The following PEX3 variants were observed in gnomAD, a reference collection of about 807,000 sequenced individuals.
PEX3 encodes peroxin-3.
PEX3 carries 30 observed loss-of-function variants against 55.8 expected under a neutral mutation model. The observed-to-expected ratio is 0.54, with a 90% confidence interval of 0.40 to 0.73. The LOEUF is 0.73. Among genes scored for constraint, PEX3 ranks in the 30% least tolerant of loss-of-function variants. The pLI, the probability that PEX3 is intolerant of heterozygous loss-of-function variation, is 0.00. For synonymous variants in PEX3, 135 were observed against 148.4 expected (o/e 0.91, Z 0.66); for missense variants, 351 against 432.8 (o/e 0.81, Z 1.68).
Position 143,471,146 on chromosome 6 carries a change from T to G in PEX3, c.456+61T>G, listed in dbSNP as rs1233954918. The G allele has an allele frequency of 1.4e-6, 2 of 1,400,638 alleles. No individual in the cohort carries two copies. Among genetic ancestry groups the G allele is most frequent in the Middle Eastern group, 3.8e-4 (2 of 5,302 alleles). 86.8% of individuals were successfully genotyped at this position (1,400,638 alleles called of 1,614,324 possible). A position where few individuals can be genotyped will look rare whatever the true frequency, so the allele number is the denominator to read the frequency against. ...CCCTCAGGAGGTTCAAAGTTTAACT[T>G]ATTTATCCTGATAACAATTTCTATG... On this transcript the variant is annotated intron_variant, in intron 5 of 11. Coordinates refer to ENST00000367591, the MANE Select transcript of PEX3 (RefSeq NM_003630.3). The surrounding 1 kb of genome is among the most constrained non-coding windows in gnomAD (Gnocchi z 5.4).
In PEX3 at chr6:143,453,719, G is replaced by T. The variant is rs1285739539; in HGVS notation, c.73+2604G>T. Among the ~76,000 whole-genome samples the T allele has an allele frequency of 6.6e-6, 1 of 152,158 alleles. No individual in the cohort carries two copies. The highest frequency in any genetic ancestry group is 2.4e-5 in the African/African-American group (1 of 41,430). On this transcript the variant is annotated intron_variant, in intron 1 of 11. Transcript: ENST00000367591. This position sits in a 1 kb window ranked among gnomAD's most constrained non-coding sequence, Gnocchi z 4.6. ...AGCCTCCCAAGTAGCTAGGACCACAGGTGTGCACCATCATGCTTGGCTAAT... is the reference window on the plus strand; with the variant it reads ...AGCCTCCCAAGTAGCTAGGACCACATGTGTGCACCATCATGCTTGGCTAAT...
At position 143,466,348 on chromosome 6, in the gene PEX3, A is replaced by T. The variant is rs896382473; in HGVS notation, c.288-1774A>T. Among the ~76,000 whole-genome samples the T allele has an allele frequency of 6.6e-6, 1 of 151,968 alleles. No individual in the cohort carries two copies. The highest frequency in any genetic ancestry group is 1.5e-5 in the Non-Finnish European group (1 of 67,922). On this transcript the variant is annotated intron_variant, in intron 3 of 11. Transcript: ENST00000367591. This position sits in a 1 kb window ranked among gnomAD's most constrained non-coding sequence, Gnocchi z 5.4. The stretch of plus-strand genomic sequence containing the variant: ...CGGATCCATGCTGTAGATGCTATCT[A>T]CCTGTTAGTCACTTAGTAGCCATCT...
At chr6:143,452,078 C>G (rs764619909) in intron 1 of PEX3, among the ~76,000 whole-genome samples, 3 of 152,102 alleles carry the variant, frequency 2.0e-5, no homozygotes, top group Non-Finnish European at 2.9e-5. Context: ...TCTGTTCTCC[C>G]CAAACAATTT....
In PEX3 at chr6:143,463,001, A is replaced by G. The variant is rs745601426; in HGVS notation, c.287+4A>G. On this transcript the variant is annotated splice_donor_region_variant and intron_variant, in intron 3 of 11. Transcript: ENST00000367591. This position sits in a 1 kb window ranked among gnomAD's most constrained non-coding sequence, Gnocchi z 5.7. ...TCACAGCTCTGCTAAAAAACAGGTA[A>G]ATGCAAGTTACAGCATTTTCTGTTT... 6.2e-7 allele frequency: 1 copy of G among 1,605,076 alleles called. No individual in the cohort carries two copies. The highest frequency in any genetic ancestry group is 2.2e-5 in the East Asian group (1 of 44,828).
chr6:143,468,751 T>G (rs913250845), intron 4 of PEX3, among the ~76,000 whole-genome samples: 1 of 150,790 alleles, frequency 6.6e-6, no homozygotes, highest in African/African-American at 2.4e-5. Context: ...CATGTTGGTG[T>G]GCTGCACCCA....
intron 10 of PEX3, among the ~76,000 whole-genome samples, chr6:143,481,162 AT>A (rs1562657605): frequency 4.4e-4 from 64 of 144,730 alleles, no homozygotes; most frequent in African/African-American, 1.5e-3. Flanking sequence ...ATATATATAT[AT>A]ATATATAAAA....
intron 9 of PEX3, among the ~76,000 whole-genome samples, chr6:143,477,313 C>T (rs1045825034): frequency 1.1e-4 from 17 of 152,076 alleles, no homozygotes; most frequent in South Asian, 2.1e-4. Flanking sequence ...CTCCATGAGA[C>T]GAGTAATTTT....
rs1169064896 is a variant in PEX3, at chr6:143,463,840, G to A, written c.287+843G>A. 2.6e-5 allele frequency among the ~76,000 whole-genome samples: 4 copies of A among 152,030 alleles called. No homozygotes were observed. Among genetic ancestry groups the A allele is most frequent in the Non-Finnish European group, 4.4e-5 (3 of 67,986 alleles). On this transcript the variant is annotated intron_variant, in intron 3 of 11. Coordinates refer to ENST00000367591, the MANE Select transcript of PEX3 (RefSeq NM_003630.3). The surrounding 1 kb of genome is among the most constrained non-coding windows in gnomAD (Gnocchi z 5.7). The stretch of plus-strand genomic sequence containing the variant: ...AATTTACACAATATCCCTGTGAGGC[G>A]GTTACTATTATTCATTTTGCAGTAG...
rs1005695237 is a variant in PEX3, at chr6:143,459,004, A to G, written c.74-81A>G. On this transcript the variant is annotated intron_variant, in intron 1 of 11. Coordinates refer to ENST00000367591, the MANE Select transcript of PEX3 (RefSeq NM_003630.3). The surrounding 1 kb of genome is among the most constrained non-coding windows in gnomAD (Gnocchi z 4.2). Reference sequence around the variant, plus strand: ...TTAGCTATCCACTAATATAAAACTTATAATTGCATAAAGTAGGTTAAAAAT... The same window carrying G: ...TTAGCTATCCACTAATATAAAACTTGTAATTGCATAAAGTAGGTTAAAAAT... 2.2e-6 allele frequency: 2 copies of G among 928,418 alleles called. No homozygotes were observed. Among genetic ancestry groups the G allele is most frequent in the Admixed American group, 4.1e-5 (2 of 48,972 alleles). 57.5% of individuals were successfully genotyped at this position (928,418 alleles called of 1,614,324 possible). A position where few individuals can be genotyped will look rare whatever the true frequency, so the allele number is the denominator to read the frequency against.
Position 143,462,287 on chromosome 6 carries a change from T to C in PEX3, c.206-629T>C, listed in dbSNP as rs1779930215. Among the ~76,000 whole-genome samples, 1 of 152,060 alleles carries C rather than the reference T, an allele frequency of 6.6e-6. No individual in the cohort carries two copies. The highest frequency in any genetic ancestry group is 1.5e-5 in the Non-Finnish European group (1 of 68,014). On this transcript the variant is annotated intron_variant, in intron 2 of 11. Transcript: ENST00000367591. This position sits in a 1 kb window ranked among gnomAD's most constrained non-coding sequence, Gnocchi z 4.1. ...AGTTTCTAACCCAGTGCACTTTTAT[T>C]TATGTTATAATAAATGTTTATTGCT...
In PEX3 at chr6:143,458,011, A is replaced by C. The variant is rs3804540; in HGVS notation, c.74-1074A>C. Among the ~76,000 whole-genome samples, 489 of 152,332 alleles carry C rather than the reference A, an allele frequency of 3.2e-3. 11 individuals carry two copies. The East Asian group carries it at 0.049, about 15-fold the overall frequency. ...TGAATATTACTAAAATGTTTTAGCT[A>C]GTCCAGTATCTTGAAAACCATTAAT... On this transcript the variant is annotated intron_variant, in intron 1 of 11. Transcript: ENST00000367591. This position sits in a 1 kb window ranked among gnomAD's most constrained non-coding sequence, Gnocchi z 6.1.
At position 143,451,171 on chromosome 6, in the gene PEX3, C is replaced by T; in HGVS notation, c.73+56C>T. 3 of 1,232,050 alleles carry T rather than the reference C, an allele frequency of 2.4e-6. No homozygotes were observed. The highest frequency in any genetic ancestry group is 2.4e-5 in the South Asian group (2 of 83,666). The allele number at this position is 1,232,050 out of a possible 1,614,324, so 76.3% of individuals were successfully genotyped here. A position where few individuals can be genotyped will look rare whatever the true frequency, so the allele number is the denominator to read the frequency against. ...TGGGAGAAGGGGGTGGGAGAGGTGA[C>T]TTCTTCTAAAATAAGGACAGGCCGG... is the stretch of plus-strand genomic sequence containing the variant. On this transcript the variant is annotated intron_variant, in intron 1 of 11. Transcript: ENST00000367591. This position sits in a 1 kb window ranked among gnomAD's most constrained non-coding sequence, Gnocchi z 4.1.
In PEX3 at chr6:143,489,516, T is replaced by C; in HGVS notation, c.*290T>C. ...GTTCCAAACTGACTAAAAATCAATA[T>C]AGATATTTTATATACATATATATAT... On this transcript the variant is annotated 3_prime_UTR_variant, in exon 12 of 12. Transcript: ENST00000367591. This position sits in a 1 kb window ranked among gnomAD's most constrained non-coding sequence, Gnocchi z 5.5. 1 of 198,496 alleles carries C rather than the reference T, an allele frequency of 5.0e-6. No homozygotes were observed. Among genetic ancestry groups the C allele is most frequent in the Non-Finnish European group, 1.0e-5 (1 of 97,990 alleles). 12.3% of individuals were successfully genotyped at this position (198,496 alleles called of 1,614,324 possible).
At chr6:143,468,050 T>C (rs1780014931) in intron 3 of PEX3, 72 bp from the exon 4 acceptor site, 1 of 816,864 alleles carries the variant, frequency 1.2e-6, no homozygotes, top group Non-Finnish European at 2.0e-6. Flanking sequence ...TAAAAATAGA[T>C]CTATAAAATT....
At chr6:143,467,266 TAAA>T (rs1314959735) in intron 3 of PEX3, among the ~76,000 whole-genome samples, 2 of 152,068 alleles carry the variant, frequency 1.3e-5, no homozygotes, top group Admixed American at 6.6e-5. Context: ...GAGATTAAGT[TAAA>T]AACCTTTTGA....
intron 1 of PEX3, among the ~76,000 whole-genome samples, chr6:143,452,406 A>C (rs372617947): frequency 6.6e-5 from 10 of 152,336 alleles, no homozygotes; most frequent in African/African-American, 2.4e-4. Flanking sequence ...AGCTAAAAAT[A>C]TATGTGTGAT....
intron 4 of PEX3, 74 bp from the exon 5 acceptor site, chr6:143,470,887 A>G: frequency 1.6e-6 from 2 of 1,290,184 alleles, no homozygotes; most frequent in South Asian, 1.3e-5. Context: ...ACAAAAAAAT[A>G]ACCTTAGGAT....
rs1227833456 is a variant in PEX3, at chr6:143,476,017, A to G, written c.818+1161A>G. ...ATAATCAACTAATAAATTTGATGTAATGTCAAGTATGTATAACTTTGTTGA... is the reference window on the plus strand; with the variant it reads ...ATAATCAACTAATAAATTTGATGTAGTGTCAAGTATGTATAACTTTGTTGA... On this transcript the variant is annotated intron_variant, in intron 9 of 11. Coordinates refer to ENST00000367591, the MANE Select transcript of PEX3 (RefSeq NM_003630.3). This position sits in a 1 kb window ranked among gnomAD's most constrained non-coding sequence, Gnocchi z 5.4. 6.6e-6 allele frequency among the ~76,000 whole-genome samples: 1 copy of G among 152,242 alleles called. No homozygotes were observed. The highest frequency in any genetic ancestry group is 1.9e-4 in the East Asian group (1 of 5,198).
chr6:143,489,128 TATC>T lies in PEX3; in HGVS notation c.1039-11_1039-9del, dbSNP rs2128748357. The T allele has an allele frequency of 4.5e-6, 7 of 1,558,674 alleles. No homozygotes were observed. The South Asian group carries it at 5.6e-5, about 12-fold the overall frequency. On this transcript the variant is annotated splice_polypyrimidine_tract_variant and intron_variant, in intron 11 of 11. Coordinates refer to ENST00000367591, the MANE Select transcript of PEX3 (RefSeq NM_003630.3). The surrounding 1 kb of genome is among the most constrained non-coding windows in gnomAD (Gnocchi z 5.5). ...TGTTTTGCAAACTATAATGTTATAT[TATC>T]ATCTTTGCTAGGATCTGTTGACAAT...
Sources: allele counts gnomAD v4.1 joint callset (sites outside exome capture counted in the v4.1 genomes callset), GRCh38; gene constraint gnomAD v4.1.1; non-coding constraint Gnocchi (gnomAD v3.1); transcripts MANE v1.5; gene names NCBI Gene and HGNC (gene_info 2026-07-23, HGNC 2026-07-21).